Variants in SERPINA10 observed in about 807,000 individuals in gnomAD.
SERPINA10 encodes the protein protein Z-dependent protease inhibitor.
In SERPINA10, 24 loss-of-function variants were observed where a neutral mutation model predicts 28.0. The observed-to-expected ratio is 0.86, with a 90% CI of 0.62 to 1.20. The LOEUF is 1.20. Ranked by LOEUF, SERPINA10 falls within the 50% of genes most tolerant of loss-of-function variation. SERPINA10 has a pLI of 0.00. For synonymous variants in SERPINA10, 207 were observed against 203.9 expected (o/e 1.02, Z -0.13); for missense variants, 521 against 537.7 (o/e 0.97, Z 0.31).
intron 3 of SERPINA10, among the ~76,000 whole-genome samples, chr14:94,287,530 C>T (rs1313469806): frequency 1.3e-5 from 2 of 152,166 alleles, no homozygotes; most frequent in African/African-American, 4.8e-5. Flanking sequence ...AACCACTCTC[C>T]CTTGCTTCCA....
In SERPINA10 at chr14:94,290,480, G is replaced by T; in HGVS notation, c.114C>A (p.Thr38=). The change falls in exon 2 of 5, where the codon ACC becomes ACA. Residue 38 remains threonine (T), a synonymous_variant. Transcript: ENST00000261994. ...CCTTGGGAGCCTGCACTACCCTGCTGGTCTGGTTCTGAGGGGCTGGGGTCT... is the reference window on the plus strand; with the variant it reads ...CCTTGGGAGCCTGCACTACCCTGCTTGTCTGGTTCTGAGGGGCTGGGGTCT... The part of the protein sequence containing the change: ...SPETPAPQNQ[T]SRVVQAPKEE... 6.2e-7 allele frequency: 1 copy of T among 1,613,698 alleles called. No individual in the cohort carries two copies. The highest frequency in any genetic ancestry group is 8.5e-7 in the Non-Finnish European group (1 of 1,179,848).
intron 2 of SERPINA10, 69 bp from the exon 3 acceptor site, chr14:94,288,628 A>G: frequency 1.3e-6 from 2 of 1,585,816 alleles, no homozygotes; most frequent in African/African-American, 1.3e-5. Context: ...TGCTCAAATA[A>G]TAGAGAGGGA....
At position 94,290,624 on chromosome 14, in the gene SERPINA10, C is replaced by T. The variant is rs1658121197; in HGVS notation, c.-31G>A. ...CGGCTGCGGAGGCCAAGGAGTGCCT[C>T]CCTTCAGCTGCAAGACTTCCTGTGG... is the stretch of plus-strand genomic sequence containing the variant. On this transcript the variant is annotated 5_prime_UTR_variant, in exon 2 of 5. Coordinates refer to ENST00000261994, the MANE Select transcript of SERPINA10 (RefSeq NM_001100607.3). The T allele has an allele frequency of 6.2e-7, 1 of 1,610,758 alleles. No homozygotes were observed. Among genetic ancestry groups the T allele is most frequent in the African/African-American group, 1.3e-5 (1 of 75,014 alleles).
chr14:94,287,670 T>G (rs1016776090), intron 3 of SERPINA10, among the ~76,000 whole-genome samples: 3 of 152,166 alleles, frequency 2.0e-5, no homozygotes, highest in African/African-American at 7.2e-5. Context: ...AAAGCCCAAG[T>G]CTTTTCTGGG....
At position 94,290,585 on chromosome 14, in the gene SERPINA10, C is replaced by CA. The variant is rs752738624; in HGVS notation, c.8dup (p.Val4GlyfsTer49). 11 of 1,613,462 alleles carry CA rather than the reference C, an allele frequency of 6.8e-6. No individual in the cohort carries two copies. Among genetic ancestry groups the CA allele is most frequent in the African/African-American group, 1.3e-5 (1 of 74,940 alleles). On this transcript the variant is annotated frameshift_variant, in exon 2 of 5. Coordinates refer to ENST00000261994, the MANE Select transcript of SERPINA10 (RefSeq NM_001100607.3). LOFTEE classifies it high-confidence loss of function. ...GGACGGAGAGCAGGAGACTTGGCAC[C>CA]ACCTTCATGTGATCGGCTGCGGAGG...
Position 94,290,305 on chromosome 14 carries a change from T to C in SERPINA10, c.289A>G (p.Asn97Asp). ...ATGCCAAATGGAGAGAAGACCATGT[T>C]GCCATCGTGCCTCATGGAGATCTTT... ...LRKISMRHDGNMVFSPFGMSL... is the reference protein window; with the variant it reads ...LRKISMRHDGDMVFSPFGMSL... The change falls in exon 2 of 5, where the codon AAC becomes GAC. Residue 97 changes from asparagine to aspartate, a missense_variant. Physicochemically the swap from Asn to Asp is conservative, Grantham distance 23. Transcript: ENST00000261994. 1 of 1,614,216 alleles carries C rather than the reference T, an allele frequency of 6.2e-7. No individual in the cohort carries two copies. Among genetic ancestry groups the C allele is most frequent in the Non-Finnish European group, 8.5e-7 (1 of 1,180,018 alleles).
In SERPINA10 at chr14:94,280,743, A is replaced by G. The variant is rs1894878195; in HGVS notation, c.*3222T>C. 1 of 152,226 alleles carries G rather than the reference A, an allele frequency of 6.6e-6. No individual in the cohort carries two copies. Among genetic ancestry groups the G allele is most frequent in the Non-Finnish European group, 1.5e-5 (1 of 68,030 alleles). The allele number at this position is 152,226 out of a possible 1,614,324, so 9.4% of individuals were successfully genotyped here. A position where few individuals can be genotyped will look rare whatever the true frequency, so the allele number is the denominator to read the frequency against. ...TACTAAAACTTGCATTTTTAAGAAC[A>G]AGTCCAGGAATTTCACTAGTTAGCC... On this transcript the variant is annotated 3_prime_UTR_variant, in exon 5 of 5. Coordinates refer to ENST00000261994, the MANE Select transcript of SERPINA10 (RefSeq NM_001100607.3).
chr14:94,287,381 C>T (rs753750488), intron 3 of SERPINA10, among the ~76,000 whole-genome samples: 19 of 152,106 alleles, frequency 1.2e-4, no homozygotes, highest in Non-Finnish European at 2.2e-4. Context: ...ACCTTTGACA[C>T]CTCTCTCACC....
rs1595562668 is a variant in SERPINA10, at chr14:94,283,912, A to G, written c.*53T>C. On this transcript the variant is annotated 3_prime_UTR_variant, in exon 5 of 5. Coordinates refer to ENST00000261994, the MANE Select transcript of SERPINA10 (RefSeq NM_001100607.3). ...ATTGCTGGTATCCTGTGTGTGTTTG[A>G]TACCTCAGATTCAGCATCTACTACA... The G allele has an allele frequency of 6.4e-7, 1 of 1,555,816 alleles. No homozygotes were observed. Among genetic ancestry groups the G allele is most frequent in the South Asian group, 1.1e-5 (1 of 89,890 alleles).
At chr14:94,285,494 T>C (rs924705481) in intron 4 of SERPINA10, among the ~76,000 whole-genome samples, 2 of 150,980 alleles carry the variant, frequency 1.3e-5, no homozygotes, top group African/African-American at 4.8e-5. Context: ...CATATATATA[T>C]ATATGTGTGT....
At chr14:94,289,786 G>C in intron 2 of SERPINA10, 90 bp downstream of exon 2, 1 of 1,325,938 alleles carries the variant, frequency 7.5e-7, no homozygotes, top group Non-Finnish European at 1.1e-6. Flanking sequence ...AAATCACGTA[G>C]CGTTAATCAT....
intron 1 of SERPINA10, among the ~76,000 whole-genome samples, chr14:94,291,718 A>G (rs1451629844): frequency 6.6e-6 from 1 of 152,182 alleles, no homozygotes; most frequent in African/African-American, 2.4e-5. Context: ...AGTTCCCATC[A>G]GCAGAGACCC....
Position 94,288,294 on chromosome 14 carries a change from C to G in SERPINA10, c.984G>C (p.Met328Ile). The stretch of plus-strand genomic sequence containing the variant: ...GTGGGCAAGAGTTGTACCTGGTTTT[C>G]ATGTTTCTGAGCCATGTCTCCACCA... Reference protein sequence around the residue: ...TDLVETWLRNMKTRNMEVFFP... With the variant: ...TDLVETWLRNIKTRNMEVFFP... The change falls in exon 3 of 5, where the codon ATG becomes ATC. Residue 328 changes from methionine (M) to isoleucine (I), a missense_variant. Transcript: ENST00000261994. The G allele has an allele frequency of 1.2e-6, 2 of 1,613,824 alleles. No individual in the cohort carries two copies. The highest frequency in any genetic ancestry group is 1.7e-6 in the Non-Finnish European group (2 of 1,180,046).
chr14:94,286,293 A>G (rs1372051312), intron 3 of SERPINA10, 35 bp from the exon 4 acceptor site: 1 of 1,611,576 alleles, frequency 6.2e-7, no homozygotes, highest in South Asian at 1.1e-5. Context: ...TGAAATGTAG[A>G]CAAAGCCCTA....
chr14:94,292,635 A>G, intron 1 of SERPINA10: 1 of 701,606 alleles, frequency 1.4e-6, no homozygotes, highest in South Asian at 1.5e-5. Flanking sequence ...CTTGTCCTGC[A>G]GTCTGCAGTG....
In SERPINA10 at chr14:94,288,348, G is replaced by T. The variant is rs771241638; in HGVS notation, c.930C>A (p.Leu310=). The T allele has an allele frequency of 2.7e-5, 43 of 1,614,002 alleles. No homozygotes were observed. The South Asian group carries it at 4.5e-4, about 17-fold the overall frequency. ...CTGTGGTCAGGTAGTCTTCAAGGGC[G>T]AGGTGGTCACCCATTTTCTCCATGA... ...VVLMEKMGDH[L]ALEDYLTTDL... The change falls in exon 3 of 5, where the codon CTC becomes CTA. Residue 310 remains leucine (L), a synonymous_variant. Transcript: ENST00000261994.
rs773643019 is a variant in SERPINA10, at chr14:94,290,068, CTT to C, written c.524_525del (p.Lys175ArgfsTer12). The stretch of plus-strand genomic sequence containing the variant: ...CTCTTGGATAAATTGAAGAAAGTCT[CTT>C]TGACATCAAAATCCTTGTGGATGAA... Reference protein sequence around the residue: ...FAFIHKDFDVKETFFNLSKRY... With the variant: ...FAFIHKDFDVXETFFNLSKRY... On this transcript the variant is annotated frameshift_variant, in exon 2 of 5. Coordinates refer to ENST00000261994, the MANE Select transcript of SERPINA10 (RefSeq NM_001100607.3). LOFTEE classifies it high-confidence loss of function. 1 of 1,614,248 alleles carries C rather than the reference CTT, an allele frequency of 6.2e-7. No homozygotes were observed. The highest frequency in any genetic ancestry group is 1.1e-5 in the South Asian group (1 of 91,092).
chr14:94,292,127 G>A (rs534745168), intron 1 of SERPINA10, among the ~76,000 whole-genome samples: 1 of 152,334 alleles, frequency 6.6e-6, no homozygotes, highest in Admixed American at 6.5e-5. Context: ...TGTGTCCCCT[G>A]AGAATTAATA....
At position 94,288,459 on chromosome 14, in the gene SERPINA10, G is replaced by C; in HGVS notation, c.819C>G (p.Gly273=). 6.2e-7 allele frequency: 1 copy of C among 1,614,156 alleles called. No individual in the cohort carries two copies. The highest frequency in any genetic ancestry group is 1.1e-5 in the South Asian group (1 of 91,072). ...TCTTGTCAAAGGTGGAGGCAAACTT[G>C]CCTGCACCGTACATCATGGGCACCT... is the stretch of plus-strand genomic sequence containing the variant. ...TIKVPMMYGA[G]KFASTFDKNF... The change falls in exon 3 of 5, where the codon GGC becomes GGG. Residue 273 remains glycine (G), a synonymous_variant. Transcript: ENST00000261994.
Sources: allele counts gnomAD v4.1 joint callset (sites outside exome capture counted in the v4.1 genomes callset), GRCh38; gene constraint gnomAD v4.1.1; transcripts MANE v1.5; gene names NCBI Gene and HGNC (gene_info 2026-07-23, HGNC 2026-07-21).